ZNF519: variants seen among roughly 807,000 people sequenced by gnomAD.
The protein encoded by ZNF519 is zinc finger protein 519.
ZNF519 carries 7 observed loss-of-function variants against 7.4 expected under a neutral mutation model. The ratio of observed to expected loss-of-function variants is 0.94; its 90% CI spans 0.54 to 1.77. The LOEUF (loss-of-function observed/expected upper bound fraction) is 1.77, where lower values mean the gene tolerates loss of function less well. Ranked by LOEUF, ZNF519 falls within the 40% of genes most tolerant of loss-of-function variation. ZNF519 has a pLI of 0.00. For missense variants in ZNF519, 586 were observed against 623.1 expected, an observed-to-expected ratio of 0.94 and a Z score of 0.63; for synonymous variants, 179 against 203.3, an observed-to-expected ratio of 0.88 and a Z score of 1.02.
chr18:14,129,579 T>C (rs1000387036), intron 1 of ZNF519, among the ~76,000 whole-genome samples: 4 of 152,180 alleles, frequency 2.6e-5, no homozygotes, highest in African/African-American at 9.7e-5. Context: ...AGTCTCCTTA[T>C]AGACCAGGCC....
In ZNF519 at chr18:14,117,989, C is replaced by A. The variant is rs565088331; in HGVS notation, c.130+6361G>T. 5.3e-5 allele frequency among the ~76,000 whole-genome samples: 8 copies of A among 152,102 alleles called. No homozygotes were observed. In the South Asian group the frequency reaches 1.7e-3, roughly 32 times the overall value. On this transcript the variant is annotated intron_variant, in intron 2 of 2. Transcript: ENST00000590202. ...TCCAAAATATATCATTTACAAAAGA[C>A]AAAAAGTGAAAAAACGCAAATGTTC...
intron 2 of ZNF519, among the ~76,000 whole-genome samples, chr18:14,086,377 C>T (rs1029172613): frequency 3.3e-5 from 5 of 152,174 alleles, no homozygotes; most frequent in East Asian, 1.9e-4. Flanking sequence ...AAGCTGTAGC[C>T]GTGGAACTTG....
intron 1 of ZNF519, among the ~76,000 whole-genome samples, chr18:14,131,390 T>C (rs1202457475): frequency 3.3e-5 from 5 of 152,168 alleles, no homozygotes; most frequent in Admixed American, 1.3e-4. Context: ...TATGGGAGCG[T>C]AGAAGTTGGC....
At chr18:14,130,236 G>T (rs1598525403) in intron 1 of ZNF519, among the ~76,000 whole-genome samples, 1 of 147,410 alleles carries the variant, frequency 6.8e-6, no homozygotes, top group Admixed American at 6.8e-5. Flanking sequence ...CCTGAACTTT[G>T]ACCTATTCTC....
intron 1 of ZNF519, among the ~76,000 whole-genome samples, chr18:14,129,675 C>T (rs1309265299): frequency 6.6e-6 from 1 of 152,140 alleles, no homozygotes; most frequent in African/African-American, 2.4e-5. Flanking sequence ...TGTCCAACAC[C>T]TCAATTCCAA....
chr18:14,109,678 A>G (rs1198302929), intron 2 of ZNF519, among the ~76,000 whole-genome samples: 1 of 152,188 alleles, frequency 6.6e-6, no homozygotes, highest in Non-Finnish European at 1.5e-5. Flanking sequence ...TCATGGAAAT[A>G]CATGAAAACT....
intron 2 of ZNF519, among the ~76,000 whole-genome samples, chr18:14,088,276 G>T (rs538258525): frequency 6.6e-6 from 1 of 152,270 alleles, no homozygotes; most frequent in East Asian, 1.9e-4. Context: ...TAAAGAATTA[G>T]AAAAACTCGG....
chr18:14,091,803 A>G (rs772214679), intron 2 of ZNF519, among the ~76,000 whole-genome samples: 12 of 152,232 alleles, frequency 7.9e-5, no homozygotes, highest in Non-Finnish European at 1.5e-4. Context: ...ATTGAGGATC[A>G]CACACCTGAG....
At chr18:14,080,790 A>G (rs1242956538) in intron 3 of ZNF519, among the ~76,000 whole-genome samples, 1 of 152,222 alleles carries the variant, frequency 6.6e-6, no homozygotes, top group Non-Finnish European at 1.5e-5. Context: ...GATGCTGTTC[A>G]GTAGATAAAT....
intron 1 of ZNF519, among the ~76,000 whole-genome samples, chr18:14,125,363 G>A (rs990073962): frequency 6.6e-6 from 1 of 152,182 alleles, no homozygotes; most frequent in African/African-American, 2.4e-5. Flanking sequence ...CCAAGAGTAT[G>A]TCACAGAGCA....
chr18:14,088,324 G>A (rs949005084), intron 2 of ZNF519, among the ~76,000 whole-genome samples: 1 of 152,150 alleles, frequency 6.6e-6, no homozygotes, highest in East Asian at 1.9e-4. Flanking sequence ...CCTTGACTGC[G>A]AAACCCAAGC....
At chr18:14,086,440 C>A (rs1416202917) in intron 2 of ZNF519, among the ~76,000 whole-genome samples, 2 of 152,216 alleles carry the variant, frequency 1.3e-5, no homozygotes, top group East Asian at 3.8e-4. Flanking sequence ...GATGTAGCAT[C>A]ATAGCAGCTG....
rs1028470761 is a variant in ZNF519 at position 14,104,553 on chromosome 18, T to C, written c.*364A>G. ...ACAGTGGGGAAAAAAAAGGTTAATTTGAATTTAATTACATCAATAATACTT... is the reference window on the plus strand; with the variant it reads ...ACAGTGGGGAAAAAAAAGGTTAATTCGAATTTAATTACATCAATAATACTT... On this transcript the variant is annotated 3_prime_UTR_variant, in exon 3 of 3. Coordinates refer to ENST00000590202, the MANE Select transcript of ZNF519 (RefSeq NM_145287.4). 1.3e-4 allele frequency: 22 copies of C among 171,004 alleles called. 1 individual carries two copies. Among genetic ancestry groups the C allele is most frequent in the Admixed American group, 1.2e-3 (20 of 16,492 alleles). The allele number at this position is 171,004 out of a possible 1,614,324, so 10.6% of individuals were successfully genotyped here. A position where few individuals can be genotyped will look rare whatever the true frequency, so the allele number is the denominator to read the frequency against.
chr18:14,096,362 G>A (rs1015276057), downstream of ZNF519, among the ~76,000 whole-genome samples: 3 of 152,124 alleles, frequency 2.0e-5, no homozygotes, highest in Non-Finnish European at 4.4e-5. Context: ...AAAGTTATTT[G>A]TAGATAGTTG....
chr18:14,112,525 G>C (rs536873076), intron 2 of ZNF519, among the ~76,000 whole-genome samples: 1 of 152,280 alleles, frequency 6.6e-6, no homozygotes, highest in East Asian at 1.9e-4. Flanking sequence ...TTTGCTTGCA[G>C]ATGATGTGCT....
At chr18:14,110,998 T>C (rs2143138546) in intron 2 of ZNF519, among the ~76,000 whole-genome samples, 1 of 151,962 alleles carries the variant, frequency 6.6e-6, no homozygotes, top group African/African-American at 2.4e-5. Context: ...AAAGAACTTA[T>C]CTGTGTCACG....
chr18:14,095,340 G>A (rs2046131666), downstream of ZNF519, among the ~76,000 whole-genome samples: 1 of 152,108 alleles, frequency 6.6e-6, no homozygotes. Context: ...GGGTTGCAGG[G>A]CCATGTGTTG....
chr18:14,131,899 C>T (rs1215007465), intron 1 of ZNF519, among the ~76,000 whole-genome samples: 1 of 152,230 alleles, frequency 6.6e-6, no homozygotes, highest in South Asian at 2.1e-4. Context: ...CTCATATAAG[C>T]TGTCTATGTT....
At chr18:14,128,253 ACTGCACTCCAGC>A (rs1467983123) in intron 1 of ZNF519, among the ~76,000 whole-genome samples, 1 of 152,126 alleles carries the variant, frequency 6.6e-6, no homozygotes, top group Admixed American at 6.5e-5. Context: ...AGATCGCACC[ACTGCACTCCAGC>A]CTGGGCGACA....
Sources: gnomAD v4.1 joint callset for allele counts (sites outside exome capture counted in the v4.1 genomes callset) on GRCh38, gnomAD v4.1.1 for gene constraint, MANE v1.5 for transcripts, NCBI Gene and HGNC (gene_info 2026-07-23, HGNC 2026-07-21) for gene names.